Variants in TLN1 observed in about 807,000 individuals in gnomAD.
TLN1 encodes talin-1.
A neutral mutation model predicts 292.3 loss-of-function variants in TLN1; 56 were observed. That is an observed-to-expected ratio of 0.19 (90% CI 0.15 to 0.24). TLN1 has a LOEUF of 0.24. TLN1 is among the 10% of genes least tolerant of loss of function. The probability of loss-of-function intolerance (pLI) is 1.00; values close to 1 mark genes in which losing one functional copy is unlikely to be tolerated. For missense variants in TLN1, 2,433 were observed against 3,248.2 expected, an observed-to-expected ratio of 0.75 and a Z score of 6.10; for synonymous variants, 1,119 against 1,253.7, an observed-to-expected ratio of 0.89 and a Z score of 2.27.
Position 35,719,833 on chromosome 9 carries a change from G to T in TLN1, c.1485C>A (p.Leu495=). The change falls in exon 14 of 57, where the codon CTC becomes CTA. Residue 495 remains leucine (L), a synonymous_variant. Coordinates refer to ENST00000314888, the MANE Select transcript of TLN1 (RefSeq NM_006289.4). The surrounding 1 kb of genome is among the most constrained non-coding windows in gnomAD (Gnocchi z 4.6). The part of the protein sequence containing the change: ...MPPLTSAQQA[L]TGTINSSMQA... ...GCATGCTGGAGTTAATGGTTCCAGT[G>T]AGTGCCTGCTGGGCTGAAGTCTAAA... is the stretch of plus-strand genomic sequence containing the variant. The T allele has an allele frequency of 6.3e-7, 1 of 1,591,048 alleles. No individual in the cohort carries two copies. Among genetic ancestry groups the T allele is most frequent in the South Asian group, 1.1e-5 (1 of 87,992 alleles).
rs577153315 is a variant in TLN1 at position 35,707,980 on chromosome 9, G to A, written c.4471-88C>T. 8 of 1,464,128 alleles carry A rather than the reference G, an allele frequency of 5.5e-6. No individual in the cohort carries two copies. In the African/African-American group the frequency reaches 5.6e-5, roughly 10 times the overall value. 90.7% of individuals were successfully genotyped at this position (1,464,128 alleles called of 1,614,324 possible). A position where few individuals can be genotyped will look rare whatever the true frequency, so the allele number is the denominator to read the frequency against. ...AGCCATTTTAGGGTCAGGGGATGGA[G>A]AGCAATACCCTGAGGAGTCAAAACA... On this transcript the variant is annotated intron_variant, in intron 34 of 56. Coordinates refer to ENST00000314888, the MANE Select transcript of TLN1 (RefSeq NM_006289.4). The surrounding 1 kb of genome is among the most constrained non-coding windows in gnomAD (Gnocchi z 5.6).
Position 35,717,245 on chromosome 9 carries a change from C to A in TLN1, c.2359G>T (p.Ala787Ser). Residue 787 changes from alanine to serine, a missense_variant, in exon 19 of 57, where the codon GCC becomes TCC. Physicochemically the swap from Ala to Ser is moderately conservative, Grantham distance 99. Coordinates refer to ENST00000314888, the MANE Select transcript of TLN1 (RefSeq NM_006289.4). This position sits in a 1 kb window ranked among gnomAD's most constrained non-coding sequence, Gnocchi z 4.7. Reference protein sequence around the residue: ...ALNELLQHVKAHATGAGPAGR... With the variant: ...ALNELLQHVKSHATGAGPAGR... ...GCAGGCCCAGCCCCTGTGGCATGGG[C>A]TTTCACATGCTGCAGCAGCTCATTT... is the stretch of plus-strand genomic sequence containing the variant. 6.2e-7 allele frequency: 1 copy of A among 1,614,226 alleles called. No homozygotes were observed. Among genetic ancestry groups the A allele is most frequent in the Non-Finnish European group, 8.5e-7 (1 of 1,180,050 alleles).
Position 35,724,404 on chromosome 9 carries a change from C to T in TLN1, c.512-70G>A. The T allele has an allele frequency of 6.3e-7, 1 of 1,597,712 alleles. No homozygotes were observed. Among genetic ancestry groups the T allele is most frequent in the African/African-American group, 1.3e-5 (1 of 74,518 alleles). ...TGTGCTGTCTGGTCTCTGTTTATTT[C>T]TGCATTTCCTACCTCCCCTCACTTA... On this transcript the variant is annotated intron_variant, in intron 5 of 56. Transcript: ENST00000314888. The surrounding 1 kb of genome is among the most constrained non-coding windows in gnomAD (Gnocchi z 4.7).
rs199701409 is a variant in TLN1 at position 35,719,062 on chromosome 9, G to T, written c.1896+12C>A. 1 of 1,608,134 alleles carries T rather than the reference G, an allele frequency of 6.2e-7. No homozygotes were observed. The highest frequency in any genetic ancestry group is 1.1e-5 in the South Asian group (1 of 90,728). ...CCTGTCTCCACCCTAACCCAAACCT[G>T]TGGCCCCTGACCTCAGCACTGGCTG... On this transcript the variant is annotated intron_variant, in intron 16 of 56. Transcript: ENST00000314888. This position sits in a 1 kb window ranked among gnomAD's most constrained non-coding sequence, Gnocchi z 4.6.
intron 1 of TLN1, among the ~76,000 whole-genome samples, chr9:35,729,627 C>T (rs1005189042): frequency 6.6e-6 from 1 of 152,106 alleles, no homozygotes; most frequent in South Asian, 2.1e-4. Flanking sequence ...GTAATGAAGC[C>T]GGAGTTGGAA....
chr9:35,724,332 T>G lies in TLN1; in HGVS notation c.514A>C (p.Asn172His). The G allele has an allele frequency of 6.2e-7, 1 of 1,614,188 alleles. No individual in the cohort carries two copies. Among genetic ancestry groups the G allele is most frequent in the Non-Finnish European group, 8.5e-7 (1 of 1,180,028 alleles). Residue 172 changes from asparagine (N) to histidine (H), a missense_variant and splice_region_variant, in exon 6 of 57, where the codon AAC (asparagine) becomes CAC (histidine). By Grantham distance (68) the Asn-to-His change is moderately conservative (BLOSUM62 1). This residue lies in a region of TLN1 where 155 missense variants were observed against 287.9 expected (regional missense o/e 0.54). Coordinates refer to ENST00000314888, the MANE Select transcript of TLN1 (RefSeq NM_006289.4). This position sits in a 1 kb window ranked among gnomAD's most constrained non-coding sequence, Gnocchi z 4.7. ...AGTGTCCGACCATGGTCCAGCCAGT[T>G]CACTGGGATACAGACAGTCCCCTCA... is the stretch of plus-strand genomic sequence containing the variant. Reference protein sequence around the residue: ...KQKLHTDDELNWLDHGRTLRE... With the variant: ...KQKLHTDDELHWLDHGRTLRE...
chr9:35,714,695 T>C lies in TLN1; in HGVS notation c.2872-8A>G. 1 of 1,613,990 alleles carries C rather than the reference T, an allele frequency of 6.2e-7. No homozygotes were observed. The highest frequency in any genetic ancestry group is 8.5e-7 in the Non-Finnish European group (1 of 1,179,932). ...AATCTGCTCTGCCACTGCCTGTAGG[T>C]GAAAATGTCATAAGAGACCCACAAG... On this transcript the variant is annotated splice_region_variant and splice_polypyrimidine_tract_variant and intron_variant, in intron 22 of 56. Coordinates refer to ENST00000314888, the MANE Select transcript of TLN1 (RefSeq NM_006289.4). This position sits in a 1 kb window ranked among gnomAD's most constrained non-coding sequence, Gnocchi z 4.6.
rs1825570834 is a variant in TLN1 at position 35,706,669 on chromosome 9, T to G, written c.5088+99A>C. ...AACCCTCCTTCGCACATCCCAGCCTTTGATGTCCCTAAGAAGCCACTCCTT... is the reference window on the plus strand; with the variant it reads ...AACCCTCCTTCGCACATCCCAGCCTGTGATGTCCCTAAGAAGCCACTCCTT... On this transcript the variant is annotated intron_variant, in intron 38 of 56. Coordinates refer to ENST00000314888, the MANE Select transcript of TLN1 (RefSeq NM_006289.4). The surrounding 1 kb of genome is among the most constrained non-coding windows in gnomAD (Gnocchi z 4.2). 1 of 1,580,438 alleles carries G rather than the reference T, an allele frequency of 6.3e-7. No individual in the cohort carries two copies. The highest frequency in any genetic ancestry group is 1.3e-5 in the African/African-American group (1 of 74,272).
At chr9:35,712,764 T>C (rs1563942884) in intron 27 of TLN1, 71 bp downstream of exon 27, 4 of 1,387,876 alleles carry the variant, frequency 2.9e-6, no homozygotes, top group Non-Finnish European at 3.9e-6. Flanking sequence ...CTCAGAAGCT[T>C]TGGCCTCAAT....
In TLN1 at chr9:35,707,976, TGGAG is replaced by T; in HGVS notation, c.4471-88_4471-85del. ...GAGGAGCCATTTTAGGGTCAGGGGA[TGGAG>T]AGCAATACCCTGAGGAGTCAAAACA... On this transcript the variant is annotated intron_variant, in intron 34 of 56. Coordinates refer to ENST00000314888, the MANE Select transcript of TLN1 (RefSeq NM_006289.4). This position sits in a 1 kb window ranked among gnomAD's most constrained non-coding sequence, Gnocchi z 5.6. 2 of 1,501,974 alleles carry T rather than the reference TGGAG, an allele frequency of 1.3e-6. No individual in the cohort carries two copies. Among genetic ancestry groups the T allele is most frequent in the Non-Finnish European group, 1.8e-6 (2 of 1,094,954 alleles). 93.0% of individuals were successfully genotyped at this position (1,501,974 alleles called of 1,614,324 possible).
Position 35,717,240 on chromosome 9 carries a change from A to G in TLN1, c.2364T>C (p.His788=). ...LNELLQHVKA[H]ATGAGPAGRY... ...GGCCAGCAGGCCCAGCCCCTGTGGC[A>G]TGGGCTTTCACATGCTGCAGCAGCT... Residue 788 remains histidine, a synonymous_variant, in exon 19 of 57, where the codon CAT becomes CAC. Coordinates refer to ENST00000314888, the MANE Select transcript of TLN1 (RefSeq NM_006289.4). This position sits in a 1 kb window ranked among gnomAD's most constrained non-coding sequence, Gnocchi z 4.7. 3 of 1,614,220 alleles carry G rather than the reference A, an allele frequency of 1.9e-6. No individual in the cohort carries two copies. The highest frequency in any genetic ancestry group is 2.5e-6 in the Non-Finnish European group (3 of 1,180,038).
At chr9:35,721,528 ACCT>A (rs1309244390) in intron 10 of TLN1, 117 bp downstream of exon 10, 13 of 1,116,502 alleles carry the variant, frequency 1.2e-5, no homozygotes, top group Middle Eastern at 6.2e-4. Flanking sequence ...ATCTACTCTA[ACCT>A]CCTTTTTTTC....
At chr9:35,723,226 C>T (rs963770472) in intron 7 of TLN1, 31 of 261,944 alleles carry the variant, frequency 1.2e-4, no homozygotes, top group Admixed American at 5.0e-5. Flanking sequence ...CTCAGCCTCC[C>T]GAGTAGCTGG....
rs1349463571 is a variant in TLN1, at chr9:35,724,075, C to T, written c.659G>A (p.Arg220Gln). The change falls in exon 7 of 57, where the codon CGA becomes CAA. Residue 220 changes from arginine (R) to glutamine (Q), a missense_variant. By Grantham distance (43) the Arg-to-Gln change is conservative. Coordinates refer to ENST00000314888, the MANE Select transcript of TLN1 (RefSeq NM_006289.4). The surrounding 1 kb of genome is among the most constrained non-coding windows in gnomAD (Gnocchi z 4.7). ...GTGGGAGCCATTCAGGATGTCATCT[C>T]GTGCCTGGAGAGCACAGGGCAAGGA... is the stretch of plus-strand genomic sequence containing the variant. ...VQLNLLYVQA[R>Q]DDILNGSHPV... The T allele has an allele frequency of 1.9e-6, 3 of 1,613,750 alleles. No homozygotes were observed. Among genetic ancestry groups the T allele is most frequent in the Admixed American group, 1.7e-5 (1 of 59,990 alleles).
intron 1 of TLN1, among the ~76,000 whole-genome samples, chr9:35,727,850 T>G (rs1826004705): frequency 6.6e-6 from 1 of 152,010 alleles, no homozygotes; most frequent in African/African-American, 2.4e-5. Context: ...GGGAGCTGAG[T>G]CATGCCTACC....
chr9:35,705,546 T>A lies in TLN1; in HGVS notation c.5733+5A>T, dbSNP rs1046952247. ...GGGGCAGGGCAGAGTTGCCTCCACG[T>A]TTACCTCTTCATTTTCAGCAGCCAC... On this transcript the variant is annotated splice_donor_5th_base_variant and intron_variant, in intron 43 of 56. Coordinates refer to ENST00000314888, the MANE Select transcript of TLN1 (RefSeq NM_006289.4). The A allele has an allele frequency of 1.9e-6, 3 of 1,576,242 alleles. No homozygotes were observed. Among genetic ancestry groups the A allele is most frequent in the Non-Finnish European group, 2.6e-6 (3 of 1,158,738 alleles).
intron 11 of TLN1, 88 bp from the exon 12 acceptor site, chr9:35,720,597 A>G (rs1408087614): frequency 7.6e-7 from 1 of 1,320,412 alleles, no homozygotes; most frequent in Non-Finnish European, 1.1e-6. Context: ...ATAACCAGCC[A>G]TTTTCCAGAA....
Position 35,706,807 on chromosome 9 carries a change from G to A in TLN1, c.5049C>T (p.Val1683=). The change falls in exon 38 of 57, where the codon GTC becomes GTT. Residue 1683 remains valine, a synonymous_variant. Coordinates refer to ENST00000314888, the MANE Select transcript of TLN1 (RefSeq NM_006289.4). The surrounding 1 kb of genome is among the most constrained non-coding windows in gnomAD (Gnocchi z 4.2). ...CCTCACGGGGAGCAAGCTGCTGGCT[G>A]ACTGCAGCGAGGGAAGCCTGGTCTA... ...RDLDQASLAA[V]SQQLAPREGI... is the part of the protein sequence containing the mutation. 6.2e-7 allele frequency: 1 copy of A among 1,614,024 alleles called. No homozygotes were observed. Among genetic ancestry groups the A allele is most frequent in the Non-Finnish European group, 8.5e-7 (1 of 1,180,018 alleles).
chr9:35,716,190 TAAAAAAAAA>T (rs11443679), intron 20 of TLN1, among the ~76,000 whole-genome samples, 191 bp downstream of exon 20: 2 of 112,428 alleles, frequency 1.8e-5, no homozygotes, highest in African/African-American at 6.7e-5. Context: ...ACCACATCTT[TAAAAAAAAA>T]AAAAAAAAAA....
Sources: gnomAD v4.1 joint callset for allele counts (sites outside exome capture counted in the v4.1 genomes callset) on GRCh38, gnomAD v4.1.1 for gene constraint, gnomAD v4.1.1 regional missense constraint, Gnocchi (gnomAD v3.1) non-coding constraint, MANE v1.5 for transcripts, NCBI Gene and HGNC (gene_info 2026-07-23, HGNC 2026-07-21) for gene names.